Variants in PCDH7 observed in about 807,000 individuals in gnomAD.
The protein encoded by PCDH7 is protocadherin-7.
In PCDH7, 17 loss-of-function variants were observed where a neutral mutation model predicts 58.9. That is an observed-to-expected ratio of 0.29 (90% CI 0.20 to 0.43). The LOEUF (loss-of-function observed/expected upper bound fraction) is 0.43, where lower values mean the gene tolerates loss of function less well. Ranked by LOEUF, PCDH7 falls within the 20% of genes least tolerant of loss-of-function variation. The pLI, the probability that PCDH7 is intolerant of heterozygous loss-of-function variation, is 1.00. For missense variants in PCDH7, 1,274 were observed against 1,441.0 expected (o/e 0.88, Z 1.88); for synonymous variants, 664 against 616.4 (o/e 1.08, Z -1.14).
chr4:31,142,428 T>C (rs751555253), intron 3 of PCDH7, 45 bp from the exon 3 acceptor site: 4 of 1,327,796 alleles, frequency 3.0e-6, no homozygotes, highest in Non-Finnish European at 3.0e-6. Flanking sequence ...GGGGAGCCTG[T>C]TGAGGAGTGT....
At chr4:30,819,750 G>T (rs1444756551) in intron 1 of PCDH7, among the ~76,000 whole-genome samples, 3 of 152,082 alleles carry the variant, frequency 2.0e-5, no homozygotes, top group Non-Finnish European at 2.9e-5. Flanking sequence ...TTCTGTAATT[G>T]GGCCGGACAA....
At chr4:30,844,130 G>A (rs1024765980) in intron 1 of PCDH7, among the ~76,000 whole-genome samples, 2 of 152,068 alleles carry the variant, frequency 1.3e-5, no homozygotes, top group Non-Finnish European at 2.9e-5. Context: ...ATTGCTACCT[G>A]CTACCTGTGG....
At chr4:31,135,889 G>C (rs928911313) in intron 3 of PCDH7, among the ~76,000 whole-genome samples, 8 of 152,160 alleles carry the variant, frequency 5.3e-5, no homozygotes, top group African/African-American at 1.9e-4. Flanking sequence ...ATTTGGATTA[G>C]GGATTGTGCA....
chr4:31,125,992 C>T (rs889530575), intron 3 of PCDH7, among the ~76,000 whole-genome samples: 1 of 152,088 alleles, frequency 6.6e-6, no homozygotes, highest in Admixed American at 6.6e-5. Context: ...GGGTGTGTAA[C>T]CTAATTCTGC....
intron 1 of PCDH7, among the ~76,000 whole-genome samples, chr4:30,886,121 T>C (rs879432513): frequency 1.4e-3 from 218 of 151,114 alleles, no homozygotes; most frequent in Middle Eastern, 6.8e-3. Context: ...AATTGACAAA[T>C]GGGATCTAAT....
chr4:30,975,143 TTGTGTGTGTGTGTGTG>T (rs35675648), intron 3 of PCDH7, among the ~76,000 whole-genome samples: 17 of 138,852 alleles, frequency 1.2e-4, no homozygotes, highest in Admixed American at 3.7e-4. Context: ...TTCCCTTTCA[TTGTGTGTGTGTGTGTG>T]TGTGTGTGTG....
At chr4:30,801,674 C>G (rs1202233281) in intron 1 of PCDH7, among the ~76,000 whole-genome samples, 1 of 151,710 alleles carries the variant, frequency 6.6e-6, no homozygotes, top group Non-Finnish European at 1.5e-5. Flanking sequence ...TATTTTAAAC[C>G]AAAGAAAGCT....
At chr4:30,913,339 A>G (rs1742020441) in intron 1 of PCDH7, among the ~76,000 whole-genome samples, 1 of 152,116 alleles carries the variant, frequency 6.6e-6, no homozygotes, top group African/African-American at 2.4e-5. Flanking sequence ...ACAAAACAAA[A>G]TAAAAAATAA....
intron 3 of PCDH7, among the ~76,000 whole-genome samples, chr4:31,118,011 G>T (rs1717208543): frequency 6.6e-6 from 1 of 152,152 alleles, no homozygotes; most frequent in Non-Finnish European, 1.5e-5. Context: ...ATGGATTAAA[G>T]TTACTTCTAT....
In PCDH7 at chr4:30,944,077, C is replaced by T. The variant is rs528465810; in HGVS notation, c.288-6043C>T. ...TTCTTAAAGCCAAGTGATCTCAAAACTCCAGGACTCAAAATCATTTCCTGA... is the reference window on the plus strand; with the variant it reads ...TTCTTAAAGCCAAGTGATCTCAAAATTCCAGGACTCAAAATCATTTCCTGA... On this transcript the variant is annotated intron_variant, in intron 2 of 3. Transcript: ENST00000509759. Among the ~76,000 whole-genome samples, 10 of 152,172 alleles carry T rather than the reference C, an allele frequency of 6.6e-5. No homozygotes were observed. The East Asian group carries it at 1.2e-3, about 18-fold the overall frequency.
chr4:31,010,271 T>C (rs1379357673), intron 3 of PCDH7, among the ~76,000 whole-genome samples: 1 of 151,964 alleles, frequency 6.6e-6, no homozygotes, highest in Non-Finnish European at 1.5e-5. Flanking sequence ...GCTAGAAACT[T>C]AATGAAAATC....
chr4:30,929,938 G>A (rs542002228), intron 2 of PCDH7, among the ~76,000 whole-genome samples: 23 of 152,170 alleles, frequency 1.5e-4, no homozygotes, highest in Non-Finnish European at 2.9e-4. Context: ...AACAGAGAAT[G>A]TAGAGTGTTA....
At chr4:30,855,538 C>T (rs944741764) in intron 1 of PCDH7, among the ~76,000 whole-genome samples, 1 of 152,134 alleles carries the variant, frequency 6.6e-6, no homozygotes, top group African/African-American at 2.4e-5. Context: ...AAATGAGCCT[C>T]TCTTGAAATC....
intron 3 of PCDH7, among the ~76,000 whole-genome samples, chr4:31,069,231 A>C (rs1019174530): frequency 6.6e-6 from 1 of 152,024 alleles, no homozygotes; most frequent in African/African-American, 2.4e-5. Flanking sequence ...CCCTATGCCA[A>C]CTGTTGCAGA....
chr4:30,956,145 C>T (rs1438634977), intron 3 of PCDH7, among the ~76,000 whole-genome samples: 2 of 151,124 alleles, frequency 1.3e-5, no homozygotes, highest in Admixed American at 6.6e-5. Flanking sequence ...ACCCAGGAGG[C>T]GGAGCTTGCA....
chr4:30,978,701 A>G (rs766815628), intron 3 of PCDH7, among the ~76,000 whole-genome samples: 78 of 152,182 alleles, frequency 5.1e-4, no homozygotes, highest in Middle Eastern at 3.2e-3. Flanking sequence ...TTTGGCATTC[A>G]ATAAGTGTTT....
At chr4:31,124,240 T>C (rs947865582) in intron 3 of PCDH7, among the ~76,000 whole-genome samples, 2 of 152,214 alleles carry the variant, frequency 1.3e-5, no homozygotes, top group Non-Finnish European at 2.9e-5. Context: ...CAGCAGAGAA[T>C]ATATTAGGTG....
At chr4:30,810,616 CT>C (rs61597613) in intron 1 of PCDH7, among the ~76,000 whole-genome samples, 137 of 140,184 alleles carry the variant, frequency 9.8e-4, no homozygotes, top group Non-Finnish European at 1.1e-3. Context: ...TTCTCATTTT[CT>C]TTTTTTTTTT....
At chr4:31,078,685 T>C (rs914854499) in intron 3 of PCDH7, among the ~76,000 whole-genome samples, 2 of 136,702 alleles carry the variant, frequency 1.5e-5, no homozygotes, top group Admixed American at 1.6e-4. Flanking sequence ...ATCCTAAATG[T>C]AATTTTCAAG....
Sources: allele counts gnomAD v4.1 joint callset (sites outside exome capture counted in the v4.1 genomes callset), GRCh38; gene constraint gnomAD v4.1.1; transcripts MANE v1.5; gene names NCBI Gene and HGNC (gene_info 2026-07-23, HGNC 2026-07-21).